The following ANKRD50 variants were observed in gnomAD, a reference collection of about 807,000 sequenced individuals.
ANKRD50 encodes ankyrin repeat domain-containing protein 50.
A neutral mutation model predicts 112.0 loss-of-function variants in ANKRD50; 40 were observed. The ratio of observed to expected loss-of-function variants is 0.36; its 90% CI spans 0.28 to 0.46. The LOEUF (loss-of-function observed/expected upper bound fraction) is 0.46. Among genes scored for constraint, ANKRD50 ranks in the 20% least tolerant of loss-of-function variants. The pLI is 1.00. For synonymous variants in ANKRD50, 613 were observed against 619.1 expected (o/e 0.99, Z 0.15); for missense variants, 1,487 against 1,701.7 (o/e 0.87, Z 2.22).
intron 2 of ANKRD50, among the ~76,000 whole-genome samples, chr4:124,690,927 CACTT>C (rs2110519522): frequency 6.6e-6 from 1 of 152,260 alleles, no homozygotes; most frequent in East Asian, 1.9e-4. Flanking sequence ...TTGTCTGACT[CACTT>C]ATACTTTCTA....
In ANKRD50 at chr4:124,671,345, G is replaced by T; in HGVS notation, c.1932C>A (p.Ser644Arg). Residue 644 changes from serine (S) to arginine (R), a missense_variant, in exon 4 of 5, where the codon AGC becomes AGA. Ser to Arg is a moderately radical substitution (Grantham distance 110). Coordinates refer to ENST00000504087, the MANE Select transcript of ANKRD50 (RefSeq NM_020337.3). ...GVKVDCADAD[S>R]RTALRAAAWG... ...ATGCTGCTGCTCTCAAAGCTGTTCG[G>T]CTATCAGCATCTGCACAATCCACTT... 1 of 1,613,750 alleles carries T rather than the reference G, an allele frequency of 6.2e-7. No homozygotes were observed. Among genetic ancestry groups the T allele is most frequent in the Non-Finnish European group, 8.5e-7 (1 of 1,179,846 alleles).
Position 124,668,993 on chromosome 4 carries a change from T to G in ANKRD50, c.4284A>C (p.Pro1428=). 2 of 1,598,828 alleles carry G rather than the reference T, an allele frequency of 1.3e-6. No individual in the cohort carries two copies. The highest frequency in any genetic ancestry group is 1.7e-6 in the Non-Finnish European group (2 of 1,176,298). Residue 1428 remains proline, a synonymous_variant, in exon 4 of 5, where the codon CCA becomes CCC. Transcript: ENST00000504087. ...GTTGACAAAATATTACCTTTTATAA[T>G]GGTGTTTCCTTTTTATAGTTGAAGC... is the stretch of plus-strand genomic sequence containing the variant. The part of the protein sequence containing the change: ...DPSFNYKKET[P]L
intron 2 of ANKRD50, among the ~76,000 whole-genome samples, chr4:124,697,615 A>G (rs1260979573): frequency 6.6e-6 from 1 of 152,160 alleles, no homozygotes; most frequent in Non-Finnish European, 1.5e-5. Flanking sequence ...GGCCCTCATC[A>G]GAAGCCAAGC....
chr4:124,709,197 C>T (rs1355592043), intron 2 of ANKRD50, among the ~76,000 whole-genome samples: 2 of 151,478 alleles, frequency 1.3e-5, no homozygotes, highest in African/African-American at 4.9e-5. Context: ...AAGTGAAGCA[C>T]AAACTAACAA....
rs1730503927 is a variant in ANKRD50 at position 124,666,843 on chromosome 4, A to G, written c.*675T>C. On this transcript the variant is annotated 3_prime_UTR_variant, in exon 5 of 5. Coordinates refer to ENST00000504087, the MANE Select transcript of ANKRD50 (RefSeq NM_020337.3). ...TGTTTGTTCTGACATGTTTAGCCAG[A>G]GATGAGAAGAATTCTACTGGGAAAA... 6.6e-6 allele frequency: 1 copy of G among 152,464 alleles called. No individual in the cohort carries two copies. Among genetic ancestry groups the G allele is most frequent in the South Asian group, 2.1e-4 (1 of 4,830 alleles). The allele number at this position is 152,464 out of a possible 1,614,324, so 9.4% of individuals were successfully genotyped here.
At position 124,687,261 on chromosome 4, in the gene ANKRD50, TTTTTTG is replaced by T. The variant is rs777388872; in HGVS notation, c.513-8362_513-8357del. On this transcript the variant is annotated intron_variant, in intron 2 of 4. Coordinates refer to ENST00000504087, the MANE Select transcript of ANKRD50 (RefSeq NM_020337.3). ...CAATTGAGAAAGGCAGGTTTTTTGTTTTTTTGTTTTTGTTTTTGTTTTTTTTCCAAC... is the reference window on the plus strand; with the variant it reads ...CAATTGAGAAAGGCAGGTTTTTTGTTTTTTTGTTTTTGTTTTTTTTCCAAC... Among the ~76,000 whole-genome samples, 173 of 152,256 alleles carry T rather than the reference TTTTTTG, an allele frequency of 1.1e-3. 2 individuals carry two copies. Among genetic ancestry groups the T allele is most frequent in the East Asian group, 6.0e-3 (31 of 5,184 alleles).
Position 124,698,907 on chromosome 4 carries a change from A to G in ANKRD50, c.512+11093T>C, listed in dbSNP as rs1185335413. On this transcript the variant is annotated intron_variant, in intron 2 of 4. Transcript: ENST00000504087. ...CTTAATGTTTTGGTTTCCAGTGTAC[A>G]GACTGAACACATCTGTGATTAGATT... Among the ~76,000 whole-genome samples, 3 of 152,154 alleles carry G rather than the reference A, an allele frequency of 2.0e-5. No homozygotes were observed. The East Asian group carries it at 5.8e-4, about 29-fold the overall frequency.
chr4:124,672,621 AAAT>A (rs1730689494), intron 3 of ANKRD50, 87 bp from the exon 4 acceptor site: 2 of 890,574 alleles, frequency 2.2e-6, no homozygotes, highest in East Asian at 5.6e-5. Flanking sequence ...AACATATAAT[AAAT>A]AAATCAATTA....
rs1730638159 is a variant in ANKRD50, at chr4:124,671,154, A to G, written c.2123T>C (p.Val708Ala). ...DHGAEVNHED[V>A]DGRTALSVAA... The stretch of plus-strand genomic sequence containing the variant: ...TACAGAGAGTGCAGTCCTGCCATCA[A>G]CATCCTCATGATTTACTTCTGCTCC... The change falls in exon 4 of 5, where the codon GTT becomes GCT. Residue 708 changes from valine to alanine, a missense_variant. By Grantham distance (64) the Val-to-Ala change is moderately conservative. Transcript: ENST00000504087. The G allele has an allele frequency of 6.2e-7, 1 of 1,613,786 alleles. No homozygotes were observed.
Position 124,712,477 on chromosome 4 carries a change from G to A in ANKRD50, c.-783C>T. On this transcript the variant is annotated 5_prime_UTR_variant, in exon 1 of 5. The change creates a new upstream start codon in the 5' untranslated region. Transcript: ENST00000504087. ...GGTTACCTCGGCCCCAGCCGCCGCC[G>A]TGGCCGCCGCTGCCGCTGTTAGGGA... is the stretch of plus-strand genomic sequence containing the variant. The A allele has an allele frequency of 6.4e-6, 1 of 155,874 alleles. No homozygotes were observed. The highest frequency in any genetic ancestry group is 1.4e-5 in the Non-Finnish European group (1 of 71,166). 9.7% of individuals were successfully genotyped at this position (155,874 alleles called of 1,614,324 possible).
chr4:124,706,120 A>G (rs2110528992), intron 2 of ANKRD50, among the ~76,000 whole-genome samples: 1 of 152,222 alleles, frequency 6.6e-6, no homozygotes, highest in African/African-American at 2.4e-5. Context: ...TATGAATAAG[A>G]TAAATATTAA....
chr4:124,694,133 C>T (rs910410859), intron 2 of ANKRD50, among the ~76,000 whole-genome samples: 2 of 152,124 alleles, frequency 1.3e-5, no homozygotes, highest in Non-Finnish European at 2.9e-5. Context: ...AACCAAAAAA[C>T]AGGCAATACA....
intron 3 of ANKRD50, among the ~76,000 whole-genome samples, chr4:124,673,052 T>C (rs970024613): frequency 2.0e-5 from 3 of 152,122 alleles, no homozygotes; most frequent in African/African-American, 7.2e-5. Flanking sequence ...TAAACTACAT[T>C]ACTGTACATT....
At position 124,669,977 on chromosome 4, in the gene ANKRD50, A is replaced by G. The variant is rs778214956; in HGVS notation, c.3300T>C (p.Tyr1100=). ...AACAGCCATTCAAACTAGATGCACC[A>G]TATTTTTCTAATAATTTAATTATCT... ...HSQIIKLLEK[Y]GASSLNGCSP... The change falls in exon 4 of 5, where the codon TAT becomes TAC. Residue 1100 remains tyrosine, a synonymous_variant. Coordinates refer to ENST00000504087, the MANE Select transcript of ANKRD50 (RefSeq NM_020337.3). 8 of 1,609,616 alleles carry G rather than the reference A, an allele frequency of 5.0e-6. No homozygotes were observed. Among genetic ancestry groups the G allele is most frequent in the South Asian group, 1.1e-5 (1 of 90,012 alleles).
In ANKRD50 at chr4:124,666,199, G is replaced by C. The variant is rs1364478457; in HGVS notation, c.*1319C>G. 6.6e-6 allele frequency: 1 copy of C among 152,380 alleles called. No homozygotes were observed. Among genetic ancestry groups the C allele is most frequent in the Non-Finnish European group, 1.5e-5 (1 of 67,900 alleles). The allele number at this position is 152,380 out of a possible 1,614,324, so 9.4% of individuals were successfully genotyped here. On this transcript the variant is annotated 3_prime_UTR_variant, in exon 5 of 5. Coordinates refer to ENST00000504087, the MANE Select transcript of ANKRD50 (RefSeq NM_020337.3). Reference sequence around the variant, plus strand: ...CTAAGCTACAGCTCCACTGATTTAAGAGTAAGGAGACTAAGGCTGTGGGAC... The same window carrying C: ...CTAAGCTACAGCTCCACTGATTTAACAGTAAGGAGACTAAGGCTGTGGGAC...
At chr4:124,679,709 T>A (rs1317843681) in intron 2 of ANKRD50, among the ~76,000 whole-genome samples, 3 of 152,160 alleles carry the variant, frequency 2.0e-5, no homozygotes, top group Admixed American at 6.5e-5. Flanking sequence ...GTTCTAAAAG[T>A]GTGTTTTCTT....
In ANKRD50 at chr4:124,669,553, A is replaced by G; in HGVS notation, c.3724T>C (p.Leu1242=). Residue 1242 remains leucine (L), a synonymous_variant, in exon 4 of 5, where the codon TTA becomes CTA. Coordinates refer to ENST00000504087, the MANE Select transcript of ANKRD50 (RefSeq NM_020337.3). ...CTTGGTGAATTATGACTCTGTCCTA[A>G]GGACTGTGTTGTGGAAGATGGGGAA... ...IVSPSSTTQS[L]GQSHNSPSSE... The G allele has an allele frequency of 6.2e-7, 1 of 1,613,338 alleles. No homozygotes were observed. Among genetic ancestry groups the G allele is most frequent in the South Asian group, 1.1e-5 (1 of 91,050 alleles).
intron 3 of ANKRD50, 49 bp downstream of exon 3, chr4:124,678,624 CTAG>C: frequency 6.6e-7 from 1 of 1,506,876 alleles, no homozygotes; most frequent in Non-Finnish European, 9.1e-7. Context: ...CTCTAAGAAA[CTAG>C]TTCATTAATG....
At chr4:124,696,217 A>C in intron 2 of ANKRD50, among the ~76,000 whole-genome samples, 1 of 151,736 alleles carries the variant, frequency 6.6e-6, no homozygotes. Context: ...TTCTAGAACC[A>C]AAAAAAATAT....
Sources: allele counts gnomAD v4.1 joint callset (sites outside exome capture counted in the v4.1 genomes callset), GRCh38; gene constraint gnomAD v4.1.1; transcripts MANE v1.5; gene names NCBI Gene and HGNC (gene_info 2026-07-23, HGNC 2026-07-21).